SP3: variants seen among roughly 807,000 people sequenced by gnomAD.
SP3 encodes Sp3 transcription factor, also known as transcription factor Sp3.
SP3 carries 10 observed loss-of-function variants against 70.3 expected under a neutral mutation model. The ratio of observed to expected loss-of-function variants is 0.14; its 90% CI spans 0.09 to 0.24. SP3 has a LOEUF of 0.24. Among genes scored for constraint, SP3 ranks in the 10% least tolerant of loss-of-function variants. SP3 has a pLI of 1.00. For synonymous variants in SP3, 402 were observed against 333.5 expected (o/e 1.21, Z -2.24); for missense variants, 825 against 914.6 (o/e 0.90, Z 1.26).
rs1574433006 is a variant in SP3, at chr2:173,965,263, G to A, written c.-92C>T. On this transcript the variant is annotated 5_prime_UTR_variant, in exon 1 of 7. Coordinates refer to ENST00000310015, the MANE Select transcript of SP3 (RefSeq NM_003111.5). ...GGCGGCGGGAGAGGATGCGGGAAGC[G>A]GCGGCGGACACGGCCGGAGCGGTCC... The A allele has an allele frequency of 9.7e-6, 14 of 1,442,982 alleles. No homozygotes were observed. The highest frequency in any genetic ancestry group is 1.9e-4 in the Middle Eastern group (1 of 5,268). 89.4% of individuals were successfully genotyped at this position (1,442,982 alleles called of 1,614,324 possible). A position where few individuals can be genotyped will look rare whatever the true frequency, so the allele number is the denominator to read the frequency against.
chr2:173,962,273 C>G (rs1050496792), intron 3 of SP3, among the ~76,000 whole-genome samples: 5 of 152,156 alleles, frequency 3.3e-5, no homozygotes, highest in African/African-American at 1.2e-4. Context: ...GATATCTAAA[C>G]TTTACAAATT....
intron 3 of SP3, among the ~76,000 whole-genome samples, chr2:173,961,068 A>T (rs1574428606): frequency 6.6e-6 from 1 of 152,230 alleles, no homozygotes; most frequent in Non-Finnish European, 1.5e-5. Context: ...CATAAATGCA[A>T]ACTGGTCAAA....
Position 173,954,854 on chromosome 2 carries a change from G to T in SP3, c.1639+19C>A. ...TTATCACTGAACTTATTTATGGCAT[G>T]ACATAACTTAAGACTCACCTGCAGG... is the stretch of plus-strand genomic sequence containing the variant. On this transcript the variant is annotated intron_variant, in intron 4 of 6. Transcript: ENST00000310015. 1 of 1,599,866 alleles carries T rather than the reference G, an allele frequency of 6.3e-7. No individual in the cohort carries two copies. Among genetic ancestry groups the T allele is most frequent in the South Asian group, 1.1e-5 (1 of 90,318 alleles).
chr2:173,915,968 AT>A (rs1440697127), intron 5 of SP3: 1 of 152,116 alleles, frequency 6.6e-6, no homozygotes, highest in East Asian at 1.9e-4. Context: ...CTTTAAAAAA[AT>A]AATGGTTGCA....
intron 4 of SP3, among the ~76,000 whole-genome samples, chr2:173,947,722 T>C (rs115156631): frequency 2.5e-4 from 38 of 152,372 alleles, no homozygotes; most frequent in African/African-American, 9.1e-4. Context: ...TTATCAGCTA[T>C]CTTTCACAGA....
At position 173,907,721 on chromosome 2, in the gene SP3, A is replaced by T. The variant is rs1448101886; in HGVS notation, c.*2220T>A. 2 of 152,156 alleles carry T rather than the reference A, an allele frequency of 1.3e-5. No individual in the cohort carries two copies. The highest frequency in any genetic ancestry group is 6.5e-5 in the Admixed American group (1 of 15,268). The allele number at this position is 152,156 out of a possible 1,614,324, so 9.4% of individuals were successfully genotyped here. On this transcript the variant is annotated 3_prime_UTR_variant, in exon 7 of 7. Transcript: ENST00000310015. ...AAGTGAACCACCTGCTGCTCACTTA[A>T]TTCTCTTCACATTAATCTTAATTTA... is the stretch of plus-strand genomic sequence containing the variant.
intron 4 of SP3, among the ~76,000 whole-genome samples, chr2:173,949,634 CGCCT>C (rs1690656525): frequency 6.6e-6 from 1 of 152,090 alleles, no homozygotes; most frequent in Non-Finnish European, 1.5e-5. Flanking sequence ...ATCCCTCTTT[CGCCT>C]GTCAATCTTT....
At position 173,907,518 on chromosome 2, in the gene SP3, A is replaced by G. The variant is rs546160450; in HGVS notation, c.*2423T>C. 2.7e-4 allele frequency: 41 copies of G among 152,292 alleles called. No homozygotes were observed. Among genetic ancestry groups the G allele is most frequent in the African/African-American group, 9.4e-4 (39 of 41,584 alleles). The allele number at this position is 152,292 out of a possible 1,614,324, so 9.4% of individuals were successfully genotyped here. ...TAAAAAAATCTACAACTTTATTTAA[A>G]TAATTTTCAAGACTACTTACTTTCT... On this transcript the variant is annotated 3_prime_UTR_variant, in exon 7 of 7. Coordinates refer to ENST00000310015, the MANE Select transcript of SP3 (RefSeq NM_003111.5).
intron 4 of SP3, among the ~76,000 whole-genome samples, chr2:173,925,148 C>T (rs1313643375): frequency 6.6e-6 from 1 of 152,154 alleles, no homozygotes; most frequent in Non-Finnish European, 1.5e-5. Flanking sequence ...TTGGCATGAT[C>T]CGCCCACCCA....
Position 173,902,580 on chromosome 2 carries a change from C to T in SP3, c.*7361G>A, listed in dbSNP as rs886842572. On this transcript the variant is annotated 3_prime_UTR_variant, in exon 7 of 7. Coordinates refer to ENST00000310015, the MANE Select transcript of SP3 (RefSeq NM_003111.5). Reference sequence around the variant, plus strand: ...AATTGGAAATAACTGAGATGCTCATCAAGAAGAAAATGGATACATTGTGAT... The same window carrying T: ...AATTGGAAATAACTGAGATGCTCATTAAGAAGAAAATGGATACATTGTGAT... 3.9e-5 allele frequency among the ~76,000 whole-genome samples: 6 copies of T among 152,182 alleles called. No individual in the cohort carries two copies. The East Asian group carries it at 1.2e-3, about 29-fold the overall frequency.
chr2:173,911,588 T>A (rs1033990299), intron 6 of SP3, among the ~76,000 whole-genome samples: 2 of 152,158 alleles, frequency 1.3e-5, no homozygotes, highest in Non-Finnish European at 2.9e-5. Context: ...AAGGTACTTA[T>A]ACCCTCTTTG....
At chr2:173,919,190 G>A (rs1192715802) in intron 4 of SP3, among the ~76,000 whole-genome samples, 2 of 152,098 alleles carry the variant, frequency 1.3e-5, no homozygotes, top group African/African-American at 4.8e-5. Context: ...TACATAAAGA[G>A]ATGTTACAAG....
In SP3 at chr2:173,963,776, G is replaced by C. The variant is rs561643677; in HGVS notation, c.264C>G (p.Pro88=). 1.5e-6 allele frequency: 2 copies of C among 1,331,836 alleles called. No individual in the cohort carries two copies. Among genetic ancestry groups the C allele is most frequent in the Middle Eastern group, 3.0e-4 (1 of 3,370 alleles). 82.5% of individuals were successfully genotyped at this position (1,331,836 alleles called of 1,614,324 possible). A position where few individuals can be genotyped will look rare whatever the true frequency, so the allele number is the denominator to read the frequency against. The change falls in exon 3 of 7, where the codon CCC becomes CCG. Residue 88 remains proline (P), a synonymous_variant. Coordinates refer to ENST00000310015, the MANE Select transcript of SP3 (RefSeq NM_003111.5). ...EEEAAAAAGA[P]AAAGATGDLA... ...CGGGACTTACCGCTCCGGCGGCGGC[G>C]GGGGCCCCGGCTGCGGCGGCCGCCT...
chr2:173,941,606 AG>A (rs928638329), intron 4 of SP3, among the ~76,000 whole-genome samples: 56 of 152,164 alleles, frequency 3.7e-4, no homozygotes, highest in African/African-American at 1.3e-3. Context: ...CCTAAAAAAA[AG>A]AAAAGAAAGG....
At chr2:173,954,786 T>C in intron 4 of SP3, 87 bp downstream of exon 4, 1 of 1,158,830 alleles carries the variant, frequency 8.6e-7, no homozygotes, top group Non-Finnish European at 1.2e-6. Context: ...AATGTGAGTC[T>C]GATGCTGATA....
rs34114861 is a variant in SP3, at chr2:173,904,946, C to G, written c.*4995G>C. 0.11 allele frequency among the ~76,000 whole-genome samples: 16,014 copies of G among 152,222 alleles called. 1,156 individuals are homozygous for G. The highest frequency in any genetic ancestry group is 0.31 in the East Asian group (1,592 of 5,178). On this transcript the variant is annotated 3_prime_UTR_variant, in exon 7 of 7. Transcript: ENST00000310015. ...AGTGCTAGACTTTATCTTTCAGTCG[C>G]AATGAACCTGAAGATTCTTCGGCTG... is the stretch of plus-strand genomic sequence containing the variant.
At chr2:173,945,396 T>G (rs1406536396) in intron 4 of SP3, among the ~76,000 whole-genome samples, 3 of 152,128 alleles carry the variant, frequency 2.0e-5, no homozygotes, top group Admixed American at 1.3e-4. Flanking sequence ...AAAAGTCTAG[T>G]AAGAACTTAT....
In SP3 at chr2:173,907,808, A is replaced by G. The variant is rs1378399059; in HGVS notation, c.*2133T>C. ...AAAATCTAATCCCTGTAACTTCAAA[A>G]TAATTGTAAATTCTAGTGGTTCCTT... On this transcript the variant is annotated 3_prime_UTR_variant, in exon 7 of 7. Coordinates refer to ENST00000310015, the MANE Select transcript of SP3 (RefSeq NM_003111.5). 1 of 152,122 alleles carries G rather than the reference A, an allele frequency of 6.6e-6. No homozygotes were observed. Among genetic ancestry groups the G allele is most frequent in the East Asian group, 1.9e-4 (1 of 5,208 alleles). The allele number at this position is 152,122 out of a possible 1,614,324, so 9.4% of individuals were successfully genotyped here.
At chr2:173,945,795 T>G (rs944737514) in intron 4 of SP3, among the ~76,000 whole-genome samples, 3 of 152,136 alleles carry the variant, frequency 2.0e-5, no homozygotes, top group African/African-American at 7.2e-5. Flanking sequence ...CATTAGTATT[T>G]TGGGATAATA....
Sources: gnomAD v4.1 joint callset for allele counts (sites outside exome capture counted in the v4.1 genomes callset) on GRCh38, gnomAD v4.1.1 for gene constraint, MANE v1.5 for transcripts, NCBI Gene and HGNC (gene_info 2026-07-23, HGNC 2026-07-21) for gene names.